The following NCALD variants were observed in gnomAD, a reference collection of about 807,000 sequenced individuals.
NCALD encodes neurocalcin delta.
In NCALD, 10 loss-of-function variants were observed where a neutral mutation model predicts 18.6. The ratio of observed to expected loss-of-function variants is 0.54; its 90% CI spans 0.33 to 0.91. NCALD has a LOEUF of 0.91. NCALD is among the 40% of genes least tolerant of loss of function. The probability of loss-of-function intolerance (pLI) is 0.03; values close to 1 mark genes in which losing one functional copy is unlikely to be tolerated. For missense variants in NCALD, 184 were observed against 247.6 expected (o/e 0.74, Z 1.72); for synonymous variants, 88 against 87.4 (o/e 1.01, Z -0.04).
chr8:101,742,833 C>G (rs1810268244), intron 1 of NCALD, among the ~76,000 whole-genome samples: 1 of 152,132 alleles, frequency 6.6e-6, no homozygotes, highest in Non-Finnish European at 1.5e-5. Context: ...CATCCAACCC[C>G]TGGACAGGCC....
chr8:101,813,004 C>T (rs1813363130), intron 4 of NCALD, among the ~76,000 whole-genome samples: 1 of 152,034 alleles, frequency 6.6e-6, no homozygotes, highest in Admixed American at 6.6e-5. Flanking sequence ...TTCATTTGTT[C>T]ATTTTTTCCT....
At chr8:101,749,289 A>G (rs1165150671) in intron 1 of NCALD, among the ~76,000 whole-genome samples, 1 of 152,206 alleles carries the variant, frequency 6.6e-6, no homozygotes, top group South Asian at 2.1e-4. Flanking sequence ...TGCAGAATGG[A>G]TAGTCTCCAT....
chr8:101,750,745 C>A (rs1563730032), intron 1 of NCALD: 1 of 152,212 alleles, frequency 6.6e-6, no homozygotes, highest in South Asian at 2.1e-4. Flanking sequence ...CTCTGAAGTC[C>A]CTCCTGCCTA....
chr8:102,040,325 A>C (rs993198186), intron 1 of NCALD, among the ~76,000 whole-genome samples: 1 of 151,990 alleles, frequency 6.6e-6, no homozygotes, highest in African/African-American at 2.4e-5. Context: ...AACACAAAAA[A>C]TAGCCAGGCA....
intron 1 of NCALD, among the ~76,000 whole-genome samples, chr8:101,764,009 CA>C (rs1459650697): frequency 3.8e-5 from 3 of 78,868 alleles, no homozygotes; most frequent in African/African-American, 1.4e-4. Flanking sequence ...CACACACACA[CA>C]CACACCCCCT....
intron 2 of NCALD, among the ~76,000 whole-genome samples, chr8:101,953,309 A>C (rs1015471030): frequency 6.6e-6 from 1 of 152,224 alleles, no homozygotes; most frequent in Non-Finnish European, 1.5e-5. Flanking sequence ...TGTAGGAGGC[A>C]CAAAGTTGCC....
At chr8:101,830,545 T>C (rs1814134826) in intron 4 of NCALD, among the ~76,000 whole-genome samples, 1 of 109,904 alleles carries the variant, frequency 9.1e-6, no homozygotes, top group South Asian at 3.2e-4. Flanking sequence ...CGAGACTCCG[T>C]CTCAAAAAAA....
chr8:101,907,223 C>A (rs1048036365), intron 3 of NCALD, among the ~76,000 whole-genome samples: 3 of 152,184 alleles, frequency 2.0e-5, no homozygotes, highest in African/African-American at 2.4e-5. Flanking sequence ...CCTGCAACAA[C>A]CTCATCATCA....
chr8:101,783,426 A>G (rs1275228188), intron 1 of NCALD, among the ~76,000 whole-genome samples: 1 of 152,230 alleles, frequency 6.6e-6, no homozygotes, highest in East Asian at 1.9e-4. Flanking sequence ...TAAGAGGCAT[A>G]AGATTTTGTT....
At chr8:101,904,540 C>A (rs1817546681) in intron 3 of NCALD, among the ~76,000 whole-genome samples, 2 of 152,138 alleles carry the variant, frequency 1.3e-5, no homozygotes, top group South Asian at 2.1e-4. Flanking sequence ...TTCACCACCA[C>A]CCCTCTTACA....
At chr8:101,739,531 G>A (rs1291823858) in intron 1 of NCALD, among the ~76,000 whole-genome samples, 1 of 152,176 alleles carries the variant, frequency 6.6e-6, no homozygotes, top group African/African-American at 2.4e-5. Context: ...CTCAATCTGG[G>A]TGGGCACCAT....
intron 2 of NCALD, among the ~76,000 whole-genome samples, chr8:101,992,687 A>C (rs547754618): frequency 5.3e-5 from 8 of 152,132 alleles, no homozygotes; most frequent in Non-Finnish European, 7.4e-5. Flanking sequence ...CAGTTTCTGG[A>C]ATGGGGTCAT....
intron 4 of NCALD, among the ~76,000 whole-genome samples, chr8:101,796,265 C>A (rs1812635101): frequency 6.6e-6 from 1 of 152,126 alleles, no homozygotes; most frequent in Admixed American, 6.5e-5. Flanking sequence ...TCTTTCAGAA[C>A]CTCTAAAATT....
chr8:101,928,895 T>C (rs1818436774), intron 2 of NCALD, among the ~76,000 whole-genome samples: 1 of 151,996 alleles, frequency 6.6e-6, no homozygotes, highest in Admixed American at 6.6e-5. Flanking sequence ...CTGTAAAATA[T>C]ATTGTGTACT....
chr8:101,774,756 T>G (rs763954820), intron 1 of NCALD, among the ~76,000 whole-genome samples: 1 of 152,194 alleles, frequency 6.6e-6, no homozygotes, highest in Non-Finnish European at 1.5e-5. Flanking sequence ...CGCTTCCACA[T>G]TCCCACATGG....
At chr8:102,000,542 A>G (rs7357558) in intron 2 of NCALD, among the ~76,000 whole-genome samples, 96,124 of 152,056 alleles carry the variant, frequency 0.63, 31,960 homozygotes, top group African/African-American at 0.83. Flanking sequence ...TGGTTCTCCC[A>G]GCACACAGCT....
At chr8:101,917,548 G>T (rs1818012540) in intron 2 of NCALD, among the ~76,000 whole-genome samples, 1 of 151,956 alleles carries the variant, frequency 6.6e-6, no homozygotes. Flanking sequence ...CTAAAAGTTG[G>T]TTCTTTGAAA....
intron 4 of NCALD, among the ~76,000 whole-genome samples, chr8:101,876,416 G>A (rs1055096369): frequency 2.0e-5 from 3 of 152,244 alleles, no homozygotes; most frequent in African/African-American, 7.2e-5. Context: ...AGCCTGAACA[G>A]TATTATAGCA....
At chr8:102,010,279 C>T (rs1022914959) in intron 2 of NCALD, among the ~76,000 whole-genome samples, 1 of 152,218 alleles carries the variant, frequency 6.6e-6, no homozygotes. Flanking sequence ...AACAAATCTG[C>T]CTTTCTTTAC....
Sources: allele counts gnomAD v4.1 joint callset (sites outside exome capture counted in the v4.1 genomes callset), GRCh38; gene constraint gnomAD v4.1.1; transcripts MANE v1.5; gene names NCBI Gene and HGNC (gene_info 2026-07-23, HGNC 2026-07-21).